The following GPA33 variants were observed in gnomAD, a reference collection of about 807,000 sequenced individuals.
GPA33 encodes the protein glycoprotein A33, also known as cell surface A33 antigen.
In GPA33, 27 loss-of-function variants were observed where a neutral mutation model predicts 35.6. That is an observed-to-expected ratio of 0.76 (90% CI 0.56 to 1.04). The LOEUF is 1.04. Among genes scored for constraint, GPA33 ranks in the 50% least tolerant of loss-of-function variants. The pLI, the probability that GPA33 is intolerant of heterozygous loss-of-function variation, is 0.00. For synonymous variants in GPA33, 176 were observed against 164.0 expected (o/e 1.07, Z -0.56); for missense variants, 428 against 411.9 (o/e 1.04, Z -0.34).
intron 4 of GPA33, among the ~76,000 whole-genome samples, chr1:167,062,112 C>A (rs1255596558): frequency 6.6e-6 from 1 of 152,158 alleles, no homozygotes; most frequent in African/African-American, 2.4e-5. Context: ...AAAGACCTCC[C>A]AGAAGCTAAA....
At chr1:167,073,901 C>A (rs182506860) in intron 1 of GPA33, among the ~76,000 whole-genome samples, 21 of 152,104 alleles carry the variant, frequency 1.4e-4, no homozygotes, top group African/African-American at 5.1e-4. Flanking sequence ...AATGGAGATA[C>A]CATGTGTAAG....
chr1:167,085,709 T>C (rs549676675), intron 1 of GPA33, among the ~76,000 whole-genome samples: 9 of 152,326 alleles, frequency 5.9e-5, no homozygotes, highest in African/African-American at 1.9e-4. Flanking sequence ...TGCATACCAT[T>C]GAGCCCCCTA....
chr1:167,055,236 A>G, intron 5 of GPA33, 125 bp from the exon 6 acceptor site: 2 of 874,750 alleles, frequency 2.3e-6, no homozygotes, highest in Non-Finnish European at 3.5e-6. Context: ...TCTTGGAGGA[A>G]TGTGACCAGC....
At chr1:167,056,710 GT>G (rs1354477088) in intron 4 of GPA33, among the ~76,000 whole-genome samples, 21 of 3,488 alleles carry the variant, frequency 6.0e-3, no homozygotes, top group South Asian at 8.9e-3. Flanking sequence ...GGTGTGTGTA[GT>G]GTGTGTGTAG....
chr1:167,060,959 G>A lies in GPA33; in HGVS notation c.571+2623C>T, dbSNP rs1045963340. On this transcript the variant is annotated intron_variant, in intron 4 of 6. Coordinates refer to ENST00000367868, the MANE Select transcript of GPA33 (RefSeq NM_005814.3). ...CCTTGAGGACCCAACTCAAATAACAGCTAATAACACTTAGCATTAAATGAG... is the reference window on the plus strand; with the variant it reads ...CCTTGAGGACCCAACTCAAATAACAACTAATAACACTTAGCATTAAATGAG... 1.1e-4 allele frequency among the ~76,000 whole-genome samples: 16 copies of A among 152,298 alleles called. No individual in the cohort carries two copies. In the South Asian group the frequency reaches 2.5e-3, roughly 24 times the overall value.
rs181878229 is a variant in GPA33 at position 167,076,234 on chromosome 1, C to G, written c.44-2695G>C. 4.4e-3 allele frequency among the ~76,000 whole-genome samples: 665 copies of G among 152,174 alleles called. 3 individuals carry two copies. The highest frequency in any genetic ancestry group is 9.9e-3 in the Admixed American group (151 of 15,288). On this transcript the variant is annotated intron_variant, in intron 1 of 6. Transcript: ENST00000367868. ...AGAATGAGCCAAGAGAGAATGGGGA[C>G]AGAAATGATGTCCTTGTAGGGCAAA...
Position 167,068,932 on chromosome 1 carries a change from CA to C in GPA33, c.404del (p.Leu135ArgfsTer19). The stretch of plus-strand genomic sequence containing the variant: ...CATGAAGACACTCACCGAGGACCAA[CA>C]GGCGGACACGTGACTTGGTGTTGCC... Reference protein sequence around the residue: ...LEGNTKSRVRLLVLVPPSKPE... With the variant: ...LEGNTKSRVRXLVLVPPSKPE... On this transcript the variant is annotated frameshift_variant, in exon 3 of 7. Transcript: ENST00000367868. LOFTEE classifies it high-confidence loss of function. 6.2e-7 allele frequency: 1 copy of C among 1,612,356 alleles called. No homozygotes were observed. Among genetic ancestry groups the C allele is most frequent in the Non-Finnish European group, 8.5e-7 (1 of 1,179,514 alleles).
chr1:167,064,173 A>G (rs1453503515), intron 3 of GPA33, among the ~76,000 whole-genome samples: 3 of 152,178 alleles, frequency 2.0e-5, no homozygotes, highest in African/African-American at 7.2e-5. Context: ...AATCCCAGTT[A>G]CTCAGGAGGC....
chr1:167,067,966 C>G (rs192100701), intron 3 of GPA33, among the ~76,000 whole-genome samples: 5 of 151,960 alleles, frequency 3.3e-5, no homozygotes, highest in African/African-American at 9.7e-5. Context: ...TGGAAGGAGA[C>G]CTTAGTTATT....
chr1:167,082,417 A>G, intron 1 of GPA33: 1 of 414,918 alleles, frequency 2.4e-6, no homozygotes, highest in South Asian at 1.8e-5. Context: ...CTAACACTGG[A>G]AGATGAGAAA....
At chr1:167,059,294 T>G (rs1666380468) in intron 4 of GPA33, among the ~76,000 whole-genome samples, 1 of 152,136 alleles carries the variant, frequency 6.6e-6, no homozygotes, top group African/African-American at 2.4e-5. Context: ...ATTTCTGATA[T>G]CCGGAGAAAA....
chr1:167,073,623 A>G lies in GPA33; in HGVS notation c.44-84T>C, dbSNP rs555715054. 25 of 1,221,460 alleles carry G rather than the reference A, an allele frequency of 2.0e-5. No individual in the cohort carries two copies. The African/African-American group carries it at 3.0e-4, about 14-fold the overall frequency. The allele number at this position is 1,221,460 out of a possible 1,614,324, so 75.7% of individuals were successfully genotyped here. A position where few individuals can be genotyped will look rare whatever the true frequency, so the allele number is the denominator to read the frequency against. On this transcript the variant is annotated intron_variant, in intron 1 of 6. Transcript: ENST00000367868. ...TCACTGCCCACAGGACCACTGAGGG[A>G]ATGTCCAGGGCTGTTCTTGCACCTC...
Position 167,054,961 on chromosome 1 carries a change from A to G in GPA33, c.827+15T>C, listed in dbSNP as rs373464180. Reference sequence around the variant, plus strand: ...CCCCAGACCCTTCCAACAGGCTACCAGCCCAGACACTCACGGCCTTGCATC... The same window carrying G: ...CCCCAGACCCTTCCAACAGGCTACCGGCCCAGACACTCACGGCCTTGCATC... On this transcript the variant is annotated intron_variant, in intron 6 of 6. Transcript: ENST00000367868. The G allele has an allele frequency of 8.7e-5, 141 of 1,613,986 alleles. No individual in the cohort carries two copies. Among genetic ancestry groups the G allele is most frequent in the Non-Finnish European group, 1.2e-4 (137 of 1,179,944 alleles).
chr1:167,082,834 G>A (rs1245972645), intron 1 of GPA33, among the ~76,000 whole-genome samples: 2 of 152,160 alleles, frequency 1.3e-5, no homozygotes, highest in African/African-American at 2.4e-5. Flanking sequence ...TGGCATCCCT[G>A]ACTCACCAGG....
intron 1 of GPA33, among the ~76,000 whole-genome samples, chr1:167,083,776 G>A (rs1667000453): frequency 6.6e-6 from 1 of 152,074 alleles, no homozygotes; most frequent in African/African-American, 2.4e-5. Flanking sequence ...GAGGTCAGGG[G>A]GTGGCAGAAG....
At chr1:167,090,129 G>A (rs1416403186) in intron 1 of GPA33, 116 bp downstream of exon 1, 32 of 762,110 alleles carry the variant, frequency 4.2e-5, no homozygotes, top group East Asian at 2.1e-4. Flanking sequence ...CAGCAGGAAC[G>A]CAGCTGTGTT....
At position 167,054,441 on chromosome 1, in the gene GPA33, G is replaced by T. The variant is rs111372554; in HGVS notation, c.853C>A (p.Pro285Thr). Reference sequence around the variant, plus strand: ...CTGGAAAGTTCTCTTAGCTGCTCTGGTGGCTCCTCATAGGCTTCCCGGTTC... The same window carrying T: ...CTGGAAAGTTCTCTTAGCTGCTCTGTTGGCTCCTCATAGGCTTCCCGGTTC... ...RPNREAYEEP[P>T]EQLRELSRER... Residue 285 changes from proline (P) to threonine (T), a missense_variant, in exon 7 of 7, where the codon CCA (proline) becomes ACA (threonine). Pro to Thr is a conservative substitution (Grantham distance 38, BLOSUM62 -1). Transcript: ENST00000367868. 6.2e-7 allele frequency: 1 copy of T among 1,614,068 alleles called. No individual in the cohort carries two copies. The highest frequency in any genetic ancestry group is 8.5e-7 in the Non-Finnish European group (1 of 1,180,010).
At chr1:167,084,415 G>A (rs568140561) in intron 1 of GPA33, among the ~76,000 whole-genome samples, 2 of 152,364 alleles carry the variant, frequency 1.3e-5, no homozygotes, top group African/African-American at 4.8e-5. Context: ...CAAGGGTGAT[G>A]TGGCGGTTTT....
chr1:167,075,265 A>G (rs1156751126), intron 1 of GPA33, among the ~76,000 whole-genome samples: 2 of 152,124 alleles, frequency 1.3e-5, no homozygotes, highest in African/African-American at 4.8e-5. Flanking sequence ...TGGGGTGGGG[A>G]ACAAGAATGG....
Sources: allele counts gnomAD v4.1 joint callset (sites outside exome capture counted in the v4.1 genomes callset), GRCh38; gene constraint gnomAD v4.1.1; transcripts MANE v1.5; gene names NCBI Gene and HGNC (gene_info 2026-07-23, HGNC 2026-07-21).